Variants in HSPBAP1 observed in about 807,000 individuals in gnomAD.
HSPBAP1 encodes HSPB1 associated protein 1, also known as HSPB1-associated protein 1.
In HSPBAP1, 27 loss-of-function variants were observed where a neutral mutation model predicts 45.2. The ratio of observed to expected loss-of-function variants is 0.60; its 90% CI spans 0.44 to 0.82. The LOEUF (loss-of-function observed/expected upper bound fraction) is 0.82, where lower values mean the gene tolerates loss of function less well. HSPBAP1 is among the 40% of genes least tolerant of loss of function. The probability of loss-of-function intolerance (pLI) is 0.00; values close to 1 mark genes in which losing one functional copy is unlikely to be tolerated. For synonymous variants in HSPBAP1, 204 were observed against 202.7 expected, an observed-to-expected ratio of 1.01 and a Z score of -0.06; for missense variants, 510 against 590.9, an observed-to-expected ratio of 0.86 and a Z score of 1.42.
intron 5 of HSPBAP1, 93 bp downstream of exon 5, chr3:122,755,167 G>T: frequency 7.9e-7 from 1 of 1,260,712 alleles, no homozygotes; most frequent in Non-Finnish European, 1.0e-6. Context: ...CATTTGCACT[G>T]CGCAGGGAGG....
At chr3:122,754,841 AC>A in intron 5 of HSPBAP1, 1 of 988,906 alleles carries the variant, frequency 1.0e-6, no homozygotes, top group African/African-American at 1.7e-5. Context: ...CCGTTGGCCC[AC>A]ACCTGGAGGC....
intron 5 of HSPBAP1, chr3:122,755,033 G>A: frequency 1.7e-6 from 2 of 1,197,936 alleles, no homozygotes; most frequent in South Asian, 8.4e-5. Flanking sequence ...TTACCAATAG[G>A]AGGAGCTGTG....
chr3:122,762,830 T>C (rs1258962008), intron 3 of HSPBAP1, among the ~76,000 whole-genome samples: 1 of 152,198 alleles, frequency 6.6e-6, no homozygotes, highest in East Asian at 1.9e-4. Context: ...CACTTGGAAA[T>C]AGTGTTTTCT....
At chr3:122,741,590 G>C (rs1327253107) in intron 6 of HSPBAP1, 2 of 153,590 alleles carry the variant, frequency 1.3e-5, no homozygotes, top group African/African-American at 4.8e-5. Flanking sequence ...GCATTAATGA[G>C]GAACTGCATT....
At chr3:122,757,033 T>C (rs982589802) in intron 4 of HSPBAP1, among the ~76,000 whole-genome samples, 2 of 152,194 alleles carry the variant, frequency 1.3e-5, no homozygotes, top group African/African-American at 2.4e-5. Context: ...ATCTCCTGGC[T>C]TCTCCAGATC....
intron 3 of HSPBAP1, among the ~76,000 whole-genome samples, chr3:122,764,243 A>G (rs1043962169): frequency 1.3e-5 from 2 of 152,222 alleles, no homozygotes; most frequent in Non-Finnish European, 2.9e-5. Flanking sequence ...TGATTATATA[A>G]GTGGATTTTT....
chr3:122,768,006 T>C (rs1056852169), intron 3 of HSPBAP1, among the ~76,000 whole-genome samples: 1 of 152,090 alleles, frequency 6.6e-6, no homozygotes, highest in South Asian at 2.1e-4. Context: ...GCCCCACACC[T>C]AAGACACATG....
chr3:122,786,521 CAT>C (rs1418995955), intron 1 of HSPBAP1: 4 of 152,262 alleles, frequency 2.6e-5, no homozygotes, highest in Admixed American at 2.0e-4. Context: ...GACAGTAACA[CAT>C]GAGTAGTATT....
chr3:122,766,783 G>A (rs751079937), intron 3 of HSPBAP1, among the ~76,000 whole-genome samples: 2 of 152,198 alleles, frequency 1.3e-5, no homozygotes, highest in Admixed American at 6.5e-5. Flanking sequence ...CTTCCTTGTT[G>A]TATAATCTTA....
chr3:122,782,110 C>T (rs1231543440), intron 1 of HSPBAP1, among the ~76,000 whole-genome samples: 1 of 152,184 alleles, frequency 6.6e-6, no homozygotes, highest in Non-Finnish European at 1.5e-5. Flanking sequence ...GAAAATACTA[C>T]TTCCTAAGTA....
intron 2 of HSPBAP1, among the ~76,000 whole-genome samples, chr3:122,770,897 T>C (rs2107525109): frequency 6.6e-6 from 1 of 152,382 alleles, no homozygotes; most frequent in African/African-American, 2.4e-5. Context: ...TATTATACTG[T>C]CTTAGGAGTT....
intron 4 of HSPBAP1, among the ~76,000 whole-genome samples, chr3:122,756,128 G>A (rs1934347811): frequency 6.6e-6 from 1 of 152,132 alleles, no homozygotes; most frequent in African/African-American, 2.4e-5. Flanking sequence ...AGCGAGAGAA[G>A]TATGAGAAAA....
chr3:122,783,893 G>C (rs1373650252), intron 1 of HSPBAP1, among the ~76,000 whole-genome samples: 2 of 151,674 alleles, frequency 1.3e-5, no homozygotes, highest in African/African-American at 2.4e-5. Context: ...TGCAGTGGCG[G>C]GATCTCGGCT....
intron 1 of HSPBAP1, among the ~76,000 whole-genome samples, chr3:122,784,828 T>C (rs1935600701): frequency 6.6e-6 from 1 of 152,370 alleles, no homozygotes. Flanking sequence ...TAGCTTGATT[T>C]TGAACACAGG....
At chr3:122,775,241 C>A (rs1935150471) in intron 2 of HSPBAP1, among the ~76,000 whole-genome samples, 2 of 152,026 alleles carry the variant, frequency 1.3e-5, no homozygotes, top group Admixed American at 1.3e-4. Context: ...CTTTGCAAGT[C>A]ATATACTTAA....
intron 7 of HSPBAP1, 42 bp downstream of exon 7, chr3:122,740,961 A>G (rs777433696): frequency 2.5e-6 from 4 of 1,606,134 alleles, no homozygotes; most frequent in African/African-American, 2.7e-5. Flanking sequence ...CTGGTTTACC[A>G]CAGGAAACTA....
intron 5 of HSPBAP1, chr3:122,754,719 C>T: frequency 1.0e-6 from 1 of 985,370 alleles, no homozygotes; most frequent in East Asian, 1.1e-4. Context: ...GGAAATTTTC[C>T]TCACTGGGAA....
At chr3:122,771,669 T>C (rs1446067990) in intron 2 of HSPBAP1, among the ~76,000 whole-genome samples, 1 of 152,168 alleles carries the variant, frequency 6.6e-6, no homozygotes, top group African/African-American at 2.4e-5. Flanking sequence ...GCTTGCCAAA[T>C]TTACTGCCAA....
At chr3:122,769,968 C>T (rs1279656820) in intron 2 of HSPBAP1, among the ~76,000 whole-genome samples, 1 of 152,176 alleles carries the variant, frequency 6.6e-6, no homozygotes, top group Non-Finnish European at 1.5e-5. Context: ...TGTGGGCCAC[C>T]GTGCCCAGTC....
Sources: allele counts gnomAD v4.1 joint callset (sites outside exome capture counted in the v4.1 genomes callset), GRCh38; gene constraint gnomAD v4.1.1; transcripts MANE v1.5; gene names NCBI Gene and HGNC (gene_info 2026-07-23, HGNC 2026-07-21).